Variants in NRP1 observed in about 807,000 individuals in gnomAD.
NRP1 encodes neuropilin-1.
Under a neutral mutation model 106.7 loss-of-function variants are expected in NRP1, and 35 were observed. That is an observed-to-expected ratio of 0.33 (90% CI 0.25 to 0.43). The LOEUF (loss-of-function observed/expected upper bound fraction) is 0.43, where lower values mean the gene tolerates loss of function less well. Ranked by LOEUF, NRP1 falls within the 20% of genes least tolerant of loss-of-function variation. The pLI, the probability that NRP1 is intolerant of heterozygous loss-of-function variation, is 1.00. For missense variants in NRP1, 1,024 were observed against 1,170.4 expected (o/e 0.87, Z 1.83); for synonymous variants, 437 against 417.9 (o/e 1.05, Z -0.56).
intron 2 of NRP1, among the ~76,000 whole-genome samples, chr10:33,306,355 G>GGTGT (rs61242197): frequency 0.26 from 39,124 of 147,750 alleles, 5,145 homozygotes; most frequent in South Asian, 0.32. Context: ...GGGTCAGAAG[G>GGTGT]GTGTGTGTGT....
At chr10:33,278,017 T>C (rs1467805497) in intron 2 of NRP1, among the ~76,000 whole-genome samples, 2 of 152,320 alleles carry the variant, frequency 1.3e-5, no homozygotes, top group Admixed American at 6.5e-5. Flanking sequence ...CTTGTAGTCC[T>C]TTCAATACAC....
chr10:33,200,921 G>A (rs2132688145), intron 11 of NRP1: 1 of 152,324 alleles, frequency 6.6e-6, no homozygotes, highest in Admixed American at 6.5e-5. Context: ...TCTTGATGGA[G>A]GTGTGGGGCA....
chr10:33,206,339 C>T (rs11812166), intron 10 of NRP1: 150,442 of 518,472 alleles, frequency 0.29, 24,099 homozygotes, highest in East Asian at 0.61. Flanking sequence ...CATTCTTGGT[C>T]TGTGTTGATA....
At chr10:33,311,059 A>C (rs948741552) in intron 2 of NRP1, among the ~76,000 whole-genome samples, 1 of 152,220 alleles carries the variant, frequency 6.6e-6, no homozygotes, top group African/African-American at 2.4e-5. Flanking sequence ...AAAGGGGTTG[A>C]TTGGGACCTA....
At chr10:33,314,017 C>CTTCCTTCT (rs1554810763) in intron 2 of NRP1, among the ~76,000 whole-genome samples, 5 of 102,846 alleles carry the variant, frequency 4.9e-5, no homozygotes, top group Non-Finnish European at 1.1e-4. Flanking sequence ...TCCTTCCTTC[C>CTTCCTTCT]TTCTCTCTCT....
At chr10:33,198,290 C>G (rs932435124) in intron 11 of NRP1, among the ~76,000 whole-genome samples, 3 of 151,768 alleles carry the variant, frequency 2.0e-5, no homozygotes, top group Non-Finnish European at 4.4e-5. Context: ...TACAGGCGTG[C>G]ACTACCATGC....
intron 2 of NRP1, among the ~76,000 whole-genome samples, chr10:33,289,844 G>T (rs1844859473): frequency 6.6e-6 from 1 of 152,126 alleles, no homozygotes; most frequent in African/African-American, 2.4e-5. Flanking sequence ...TTTCTTTAGT[G>T]CCTGAAAATA....
chr10:33,303,243 A>G (rs1845928494), intron 2 of NRP1, among the ~76,000 whole-genome samples: 1 of 152,152 alleles, frequency 6.6e-6, no homozygotes, highest in South Asian at 2.1e-4. Context: ...AACATTTTCG[A>G]AAGACCTTCT....
intron 2 of NRP1, among the ~76,000 whole-genome samples, chr10:33,279,262 G>A (rs1843934130): frequency 1.3e-5 from 2 of 152,210 alleles, no homozygotes; most frequent in African/African-American, 2.4e-5. Context: ...TGACCTTGCT[G>A]GATTCTCTGC....
chr10:33,249,096 T>G lies in NRP1; in HGVS notation c.981+4932A>C, dbSNP rs557990157. Among the ~76,000 whole-genome samples the G allele has an allele frequency of 2.8e-4, 41 of 147,528 alleles. 1 individual carries two copies. The South Asian group carries it at 3.0e-3, about 11-fold the overall frequency. ...TATTATGTCTCTTGTTTTTTTTTTT[T>G]TTTTTTTTTTTTGTCTCCTGGCATT... On this transcript the variant is annotated intron_variant, in intron 6 of 16. Coordinates refer to ENST00000374867, the MANE Select transcript of NRP1 (RefSeq NM_003873.7).
chr10:33,204,422 G>T (rs144673344), intron 10 of NRP1, among the ~76,000 whole-genome samples: 2 of 152,150 alleles, frequency 1.3e-5, no homozygotes, highest in East Asian at 3.9e-4. Flanking sequence ...ACATACACCC[G>T]AATTCTGGCC....
At chr10:33,293,403 T>G (rs556980250) in intron 2 of NRP1, among the ~76,000 whole-genome samples, 14 of 152,300 alleles carry the variant, frequency 9.2e-5, no homozygotes, top group Admixed American at 9.2e-4. Context: ...GGATGGTAAC[T>G]CTCTTTTCAT....
chr10:33,180,922 G>C (rs1188297829), intron 16 of NRP1, among the ~76,000 whole-genome samples: 3 of 152,234 alleles, frequency 2.0e-5, no homozygotes, highest in African/African-American at 7.2e-5. Context: ...TAAAGAAGGA[G>C]TGATTTTTTA....
chr10:33,313,189 G>A (rs1055828566), intron 2 of NRP1, among the ~76,000 whole-genome samples: 1 of 152,194 alleles, frequency 6.6e-6, no homozygotes, highest in African/African-American at 2.4e-5. Flanking sequence ...CCAAAACAAG[G>A]TCTAAAACGT....
At chr10:33,235,612 T>G (rs1038278549) in intron 6 of NRP1, among the ~76,000 whole-genome samples, 3 of 152,254 alleles carry the variant, frequency 2.0e-5, no homozygotes, top group African/African-American at 7.2e-5. Flanking sequence ...CAGATACAAT[T>G]GTATTCACCA....
intron 6 of NRP1, among the ~76,000 whole-genome samples, chr10:33,239,019 G>A (rs544949549): frequency 8.6e-5 from 13 of 151,810 alleles, no homozygotes; most frequent in Admixed American, 1.3e-4. Flanking sequence ...GGCCAGGCAC[G>A]GTGGCTCATG....
chr10:33,193,483 G>A (rs1406818154), intron 12 of NRP1, among the ~76,000 whole-genome samples: 1 of 152,198 alleles, frequency 6.6e-6, no homozygotes, highest in East Asian at 1.9e-4. Context: ...TTTCTCCAGT[G>A]ACGAAGGGCC....
At chr10:33,237,480 T>TGCGCGC (rs143172801) in intron 6 of NRP1, among the ~76,000 whole-genome samples, 17,952 of 131,982 alleles carry the variant, frequency 0.14, 1,287 homozygotes, top group Middle Eastern at 0.24. Context: ...GAAACACACA[T>TGCGCGC]GCGCGCGCAC....
At chr10:33,259,432 A>G (rs1389861887) in intron 4 of NRP1, among the ~76,000 whole-genome samples, 1 of 152,224 alleles carries the variant, frequency 6.6e-6, no homozygotes, top group African/African-American at 2.4e-5. Context: ...GCGAGAGTGG[A>G]TGAAGTACTC....
Sources: gnomAD v4.1 joint callset for allele counts (sites outside exome capture counted in the v4.1 genomes callset) on GRCh38, gnomAD v4.1.1 for gene constraint, MANE v1.5 for transcripts, NCBI Gene and HGNC (gene_info 2026-07-23, HGNC 2026-07-21) for gene names.